The following RGSL1 variants were observed in gnomAD, a reference collection of about 807,000 sequenced individuals.
RGSL1 encodes regulator of G protein signaling protein-like.
In RGSL1, 97 loss-of-function variants were observed where a neutral mutation model predicts 124.7. That is an observed-to-expected ratio of 0.78 (90% CI 0.66 to 0.92). The LOEUF (loss-of-function observed/expected upper bound fraction) is 0.92. Among genes scored for constraint, RGSL1 ranks in the 40% least tolerant of loss-of-function variants. RGSL1 has a pLI of 0.00. For missense variants in RGSL1, 1,233 were observed against 1,288.4 expected (o/e 0.96, Z 0.66); for synonymous variants, 424 against 438.1 (o/e 0.97, Z 0.40).
intron 9 of RGSL1, among the ~76,000 whole-genome samples, chr1:182,520,507 A>T (rs1022015478): frequency 6.6e-6 from 1 of 152,194 alleles, no homozygotes; most frequent in East Asian, 1.9e-4. Flanking sequence ...TAACACTGCA[A>T]ATGCCTTTAG....
chr1:182,549,204 T>C lies in RGSL1; in HGVS notation c.2933+380T>C, dbSNP rs80138899. The C allele has an allele frequency of 6.1e-3, 1,144 of 187,610 alleles. 18 individuals are homozygous for C. The highest frequency in any genetic ancestry group is 0.025 in the African/African-American group (1,068 of 42,666). The allele number at this position is 187,610 out of a possible 1,614,324, so 11.6% of individuals were successfully genotyped here. ...AACTGCTTGTGCTTAAGAAGCTACA[T>C]GAAGAAAGTAAGCCAGAAGTGTTTT... On this transcript the variant is annotated intron_variant, in intron 17 of 21. Coordinates refer to ENST00000294854, the MANE Select transcript of RGSL1 (RefSeq NM_001137669.2).
intron 15 of RGSL1, among the ~76,000 whole-genome samples, chr1:182,541,835 TA>T (rs1227281415): frequency 2.0e-5 from 3 of 152,194 alleles, no homozygotes; most frequent in Admixed American, 6.6e-5. Context: ...TTTGTGATCT[TA>T]GCAGTTTTTC....
chr1:182,501,951 C>A (rs567208558), intron 9 of RGSL1, among the ~76,000 whole-genome samples: 32 of 152,214 alleles, frequency 2.1e-4, no homozygotes, highest in African/African-American at 7.5e-4. Flanking sequence ...TTTCTTGAGT[C>A]AGTTTTAGAA....
intron 1 of RGSL1, among the ~76,000 whole-genome samples, chr1:182,452,690 C>G (rs1651949221): frequency 6.6e-6 from 1 of 152,134 alleles, no homozygotes; most frequent in Admixed American, 6.5e-5. Flanking sequence ...TGGCCTCAAG[C>G]AATCCACCAG....
intron 15 of RGSL1, 138 bp from the exon 16 acceptor site, chr1:182,548,179 A>T: frequency 1.2e-6 from 1 of 830,410 alleles, no homozygotes; most frequent in Non-Finnish European, 1.9e-6. Context: ...ATGAATTATG[A>T]CTGAATGAAT....
intron 9 of RGSL1, 106 bp from the exon 10 acceptor site, chr1:182,521,897 CA>C: frequency 1.4e-6 from 1 of 722,648 alleles, no homozygotes; most frequent in Non-Finnish European, 2.3e-6. Context: ...GTTGTGGGGA[CA>C]GGGATTTTTT....
In RGSL1 at chr1:182,490,050, G is replaced by GA. The variant is rs200489791; in HGVS notation, c.1717+856dup. ...TGTGTATATGTGTGCACATATATAT[G>GA]AAAAAAAATTTCCAAAGCAATACTT... On this transcript the variant is annotated intron_variant, in intron 8 of 21. Transcript: ENST00000294854. Among the ~76,000 whole-genome samples the GA allele has an allele frequency of 3.0e-3, 458 of 151,974 alleles. 4 individuals carry two copies. Among genetic ancestry groups the GA allele is most frequent in the African/African-American group, 0.011 (437 of 41,448 alleles).
At chr1:182,548,541 C>A in intron 16 of RGSL1, 86 bp downstream of exon 16, 1 of 1,525,946 alleles carries the variant, frequency 6.6e-7, no homozygotes, top group African/African-American at 1.4e-5. Flanking sequence ...TGTCAGGCAC[C>A]TCATAAGTCC....
chr1:182,497,059 T>C (rs541840051), intron 9 of RGSL1, among the ~76,000 whole-genome samples: 5 of 152,140 alleles, frequency 3.3e-5, no homozygotes, highest in Admixed American at 3.3e-4. Flanking sequence ...TGTGGACTAA[T>C]GTAATATTCT....
intron 4 of RGSL1, among the ~76,000 whole-genome samples, chr1:182,469,160 A>T (rs1256725470): frequency 6.6e-6 from 1 of 152,156 alleles, no homozygotes; most frequent in East Asian, 1.9e-4. Context: ...AACAACAAAG[A>T]ATTGGGCTTC....
intron 9 of RGSL1, among the ~76,000 whole-genome samples, chr1:182,497,432 A>C (rs1403180739): frequency 6.6e-6 from 1 of 151,396 alleles, no homozygotes; most frequent in East Asian, 1.9e-4. Context: ...TGAAAATAAA[A>C]ATTGCTATTT....
chr1:182,508,299 T>TG lies in RGSL1; in HGVS notation c.1826-13705_1826-13704insG, dbSNP rs1176448376. Among the ~76,000 whole-genome samples, 7 of 137,268 alleles carry TG rather than the reference T, an allele frequency of 5.1e-5. 1 individual carries two copies. The highest frequency in any genetic ancestry group is 4.9e-4 in the South Asian group (2 of 4,118). 90.1% of individuals were successfully genotyped at this position (137,268 alleles called of 152,430 possible). On this transcript the variant is annotated intron_variant, in intron 9 of 21. Coordinates refer to ENST00000294854, the MANE Select transcript of RGSL1 (RefSeq NM_001137669.2). ...TGTTGGTGGTGGTGGTGTTTTTTTTTTTTTTTTTTTTTTTTTGAGATGGAG... is the reference window on the plus strand; with the variant it reads ...TGTTGGTGGTGGTGGTGTTTTTTTTTGTTTTTTTTTTTTTTTTGAGATGGAG...
chr1:182,537,303 T>G (rs74128946), intron 14 of RGSL1, among the ~76,000 whole-genome samples: 2,470 of 152,292 alleles, frequency 0.016, 59 homozygotes, highest in African/African-American at 0.053. Context: ...TTACCTTAAG[T>G]CTATATGTAT....
intron 14 of RGSL1, among the ~76,000 whole-genome samples, chr1:182,539,964 C>T (rs1659785089): frequency 6.6e-6 from 1 of 152,192 alleles, no homozygotes; most frequent in Non-Finnish European, 1.5e-5. Flanking sequence ...TCAGTCTCTG[C>T]AGAAACCTTA....
At chr1:182,476,012 G>A (rs1001511866) in intron 6 of RGSL1, among the ~76,000 whole-genome samples, 1 of 152,098 alleles carries the variant, frequency 6.6e-6, no homozygotes, top group Non-Finnish European at 1.5e-5. Flanking sequence ...TTAGCCCAAA[G>A]CCATGCAGCT....
At chr1:182,492,611 T>G (rs886301708) in intron 8 of RGSL1, among the ~76,000 whole-genome samples, 4 of 148,506 alleles carry the variant, frequency 2.7e-5, no homozygotes, top group Non-Finnish European at 5.9e-5. Flanking sequence ...AAAACACTAT[T>G]GGCCTCTTTA....
In RGSL1 at chr1:182,530,036, A is replaced by G. The variant is rs112339318; in HGVS notation, c.2126-208A>G. 7.4e-3 allele frequency among the ~76,000 whole-genome samples: 1,123 copies of G among 152,270 alleles called. 15 individuals carry two copies. The highest frequency in any genetic ancestry group is 0.031 in the Middle Eastern group (9 of 294). ...CAAATTTGAATGAAACTAAATGAGGAAAGTATTTAGTTTACAAATGCATTT... is the reference window on the plus strand; with the variant it reads ...CAAATTTGAATGAAACTAAATGAGGGAAGTATTTAGTTTACAAATGCATTT... On this transcript the variant is annotated intron_variant, in intron 11 of 21. Coordinates refer to ENST00000294854, the MANE Select transcript of RGSL1 (RefSeq NM_001137669.2).
chr1:182,506,416 A>C (rs1394303211), intron 9 of RGSL1, among the ~76,000 whole-genome samples: 3 of 152,084 alleles, frequency 2.0e-5, no homozygotes, highest in Non-Finnish European at 4.4e-5. Flanking sequence ...AGTACTTTCA[A>C]TTTTTGCTTT....
chr1:182,527,711 G>T lies in RGSL1; in HGVS notation c.2064G>T (p.Lys688Asn), dbSNP rs867569232. The T allele has an allele frequency of 2.1e-5, 33 of 1,550,988 alleles. No individual in the cohort carries two copies. In the African/African-American group the frequency reaches 3.3e-4, roughly 15 times the overall value. ...VQKISIETNEKICKSLIENVI... is the reference protein window; with the variant it reads ...VQKISIETNENICKSLIENVI... ...AGATCAGTATAGAGACCAATGAAAA[G>T]ATTTGCAAGTCTCTCATAGAAAATG... The change falls in exon 11 of 22, where the codon AAG (lysine) becomes AAT (asparagine). Residue 688 changes from lysine to asparagine, a missense_variant. Physicochemically the swap from Lys to Asn is moderately conservative, Grantham distance 94. Coordinates refer to ENST00000294854, the MANE Select transcript of RGSL1 (RefSeq NM_001137669.2).
Sources: gnomAD v4.1 joint callset for allele counts (sites outside exome capture counted in the v4.1 genomes callset) on GRCh38, gnomAD v4.1.1 for gene constraint, MANE v1.5 for transcripts, NCBI Gene and HGNC (gene_info 2026-07-23, HGNC 2026-07-21) for gene names.